DHRSX: variants seen among roughly 807,000 people sequenced by gnomAD.
DHRSX encodes dehydrogenase/reductase X-linked.
Under a neutral mutation model 34.0 loss-of-function variants are expected in DHRSX, and 31 were observed. The observed-to-expected ratio is 0.91, with a 90% CI of 0.69 to 1.23. The LOEUF is 1.23. DHRSX is among the 50% of genes most tolerant of loss of function. DHRSX has a pLI of 0.00. For synonymous variants in DHRSX, 201 were observed against 183.8 expected (o/e 1.09, Z -0.76); for missense variants, 414 against 428.1 (o/e 0.97, Z 0.29).
intron 3 of DHRSX, among the ~76,000 whole-genome samples, chrX:2,387,341 T>C (rs375662050): frequency 1.3e-5 from 2 of 152,220 alleles, no homozygotes; most frequent in South Asian, 2.1e-4. Flanking sequence ...GGGACAGAAC[T>C]AACAGGATAG....
rs1030214371 is a variant in DHRSX at position 2,347,676 on chromosome X, C to T, written c.287-56073G>A. Among the ~76,000 whole-genome samples the T allele has an allele frequency of 2.4e-4, 36 of 152,148 alleles. 1 individual carries two copies. The highest frequency in any genetic ancestry group is 6.2e-4 in the South Asian group (3 of 4,818). On this transcript the variant is annotated intron_variant, in intron 3 of 6. Coordinates refer to ENST00000334651, the MANE Select transcript of DHRSX (RefSeq NM_145177.3). Reference sequence around the variant, plus strand: ...GCCACGGCACTCCAGCCTGAGTGAGCGAGACTCTGTCTCTAAATAAATAAA... The same window carrying T: ...GCCACGGCACTCCAGCCTGAGTGAGTGAGACTCTGTCTCTAAATAAATAAA...
chrX:2,489,251 C>T, intron 1 of DHRSX: 4 of 1,613,944 alleles, frequency 2.5e-6, no homozygotes, highest in Non-Finnish European at 3.4e-6. Flanking sequence ...CACCTGCTGC[C>T]GCTCGAAGGC....
intron 3 of DHRSX, among the ~76,000 whole-genome samples, chrX:2,294,493 C>T (rs903344355): frequency 1.1e-4 from 17 of 151,938 alleles, no homozygotes. Flanking sequence ...GGTCAAACTC[C>T]ATCTCTACTA....
intron 3 of DHRSX, among the ~76,000 whole-genome samples, chrX:2,329,362 A>G (rs1293753018): frequency 6.6e-6 from 1 of 152,114 alleles, no homozygotes; most frequent in Non-Finnish European, 1.5e-5. Context: ...ATACTTTTGG[A>G]TTGTGCGGTT....
intron 1 of DHRSX, among the ~76,000 whole-genome samples, chrX:2,486,001 T>C (rs2044917536): frequency 1.4e-5 from 2 of 146,640 alleles, no homozygotes; most frequent in Admixed American, 6.9e-5. Context: ...GAAGAGACCA[T>C]GTGAGAGGAG....
intron 4 of DHRSX, among the ~76,000 whole-genome samples, chrX:2,268,137 G>A (rs1034041180): frequency 6.6e-6 from 1 of 152,144 alleles, no homozygotes; most frequent in African/African-American, 2.4e-5. Flanking sequence ...TTCTGTGCTT[G>A]ACATGTTCTA....
rs192165096 is a variant in DHRSX at position 2,454,233 on chromosome X, G to A, written c.110-28929C>T. 2.3e-3 allele frequency among the ~76,000 whole-genome samples: 351 copies of A among 152,138 alleles called. 2 individuals carry two copies. Among genetic ancestry groups the A allele is most frequent in the Non-Finnish European group, 3.8e-3 (261 of 67,994 alleles). On this transcript the variant is annotated intron_variant, in intron 1 of 6. Coordinates refer to ENST00000334651, the MANE Select transcript of DHRSX (RefSeq NM_145177.3). ...AGGATTCCAGTTATGTGCTCAAGGT[G>A]TATCCACACTGGGCCGGGCGCTGTG...
intron 3 of DHRSX, among the ~76,000 whole-genome samples, chrX:2,306,055 AACC>A (rs1231919159): frequency 2.0e-5 from 3 of 152,102 alleles, no homozygotes; most frequent in African/African-American, 4.8e-5. Flanking sequence ...AGGTGCAGCA[AACC>A]ACCACGGCAC....
chrX:2,250,634 T>C (rs2016415176), intron 5 of DHRSX, among the ~76,000 whole-genome samples: 1 of 152,096 alleles, frequency 6.6e-6, no homozygotes, highest in Non-Finnish European at 1.5e-5. Flanking sequence ...AGGTCAGTCG[T>C]CACCATCTTG....
intron 4 of DHRSX, among the ~76,000 whole-genome samples, chrX:2,269,521 TG>T (rs2041520818): frequency 6.6e-6 from 1 of 152,162 alleles, no homozygotes; most frequent in African/African-American, 2.4e-5. Flanking sequence ...TATGTGTGTG[TG>T]TATTTTATAT....
At chrX:2,325,449 G>A (rs1305726960) in intron 3 of DHRSX, among the ~76,000 whole-genome samples, 3 of 152,186 alleles carry the variant, frequency 2.0e-5, no homozygotes, top group African/African-American at 2.4e-5. Context: ...CTAGAGACTA[G>A]ACACGTTCAA....
At chrX:2,484,892 C>T (rs1298691684) in intron 1 of DHRSX, among the ~76,000 whole-genome samples, 7 of 152,254 alleles carry the variant, frequency 4.6e-5, no homozygotes, top group East Asian at 1.9e-4. Context: ...ACGTCACCAC[C>T]GAGATTTCGG....
intron 5 of DHRSX, among the ~76,000 whole-genome samples, chrX:2,259,932 A>G (rs1313781435): frequency 6.6e-6 from 1 of 152,098 alleles, no homozygotes; most frequent in Non-Finnish European, 1.5e-5. Flanking sequence ...TTTATTTTCA[A>G]ATAAAGTCTC....
rs1028848945 is a variant in DHRSX, at chrX:2,243,351, C to T, written c.597-121G>A. On this transcript the variant is annotated intron_variant, in intron 5 of 6. Transcript: ENST00000334651. ...CTATACGCAGCCACCTCCCCTAGAC[C>T]CATGTGTGATCATGCCATCTGTTGG... 6.2e-5 allele frequency: 48 copies of T among 770,964 alleles called. No homozygotes were observed. The African/African-American group carries it at 8.2e-4, about 13-fold the overall frequency. The allele number at this position is 770,964 out of a possible 1,614,324, so 47.8% of individuals were successfully genotyped here.
chrX:2,398,661 T>C (rs1251765138), intron 3 of DHRSX, among the ~76,000 whole-genome samples: 3 of 144,486 alleles, frequency 2.1e-5, no homozygotes, highest in Admixed American at 1.5e-4. Context: ...AAACGTTAAA[T>C]GCATATTCCT....
intron 3 of DHRSX, among the ~76,000 whole-genome samples, chrX:2,351,668 T>C (rs760039759): frequency 6.6e-6 from 1 of 152,296 alleles, no homozygotes; most frequent in East Asian, 1.9e-4. Flanking sequence ...GATGATGCAT[T>C]GGGAGTTGGC....
At chrX:2,305,418 G>A (rs77290253) in intron 3 of DHRSX, among the ~76,000 whole-genome samples, 13,422 of 151,986 alleles carry the variant, frequency 0.088, 911 homozygotes, top group Non-Finnish European at 0.14. Flanking sequence ...CAACCATTGT[G>A]GAAGACACTG....
At chrX:2,426,026 C>A (rs192487253) in intron 1 of DHRSX, among the ~76,000 whole-genome samples, 82 of 152,144 alleles carry the variant, frequency 5.4e-4, no homozygotes, top group Non-Finnish European at 8.4e-4. Flanking sequence ...GAATATGCAA[C>A]CCCAATAAAG....
intron 3 of DHRSX, among the ~76,000 whole-genome samples, chrX:2,394,486 C>T (rs1269341729): frequency 6.6e-6 from 1 of 152,128 alleles, no homozygotes; most frequent in East Asian, 1.9e-4. Context: ...GTCAGAATGC[C>T]AGGTGAAGAT....
Sources: gnomAD v4.1 joint callset for allele counts (sites outside exome capture counted in the v4.1 genomes callset) on GRCh38, gnomAD v4.1.1 for gene constraint, MANE v1.5 for transcripts, NCBI Gene and HGNC (gene_info 2026-07-23, HGNC 2026-07-21) for gene names.